Variants in ROBO1 observed in about 807,000 individuals in gnomAD.
ROBO1 encodes roundabout homolog 1.
ROBO1 carries 149 observed loss-of-function variants against 195.9 expected under a neutral mutation model. The observed-to-expected ratio is 0.76, with a 90% CI of 0.67 to 0.87. The LOEUF is 0.87. ROBO1 is among the 40% of genes least tolerant of loss of function. The pLI, the probability that ROBO1 is intolerant of heterozygous loss-of-function variation, is 0.00. For synonymous variants in ROBO1, 816 were observed against 733.2 expected (o/e 1.11, Z -1.82); for missense variants, 1,933 against 2,068.3 (o/e 0.93, Z 1.27).
chr3:79,624,164 A>G (rs953796899), intron 1 of ROBO1, among the ~76,000 whole-genome samples: 2 of 152,180 alleles, frequency 1.3e-5, no homozygotes, highest in Non-Finnish European at 2.9e-5. Context: ...TTTCATTACC[A>G]CCAGGCCTAC....
intron 10 of ROBO1, among the ~76,000 whole-genome samples, chr3:78,671,630 A>G (rs544406786): frequency 2.6e-5 from 4 of 152,088 alleles, no homozygotes; most frequent in East Asian, 1.9e-4. Flanking sequence ...CAGGAAAGCA[A>G]TGGAGTGAAA....
intron 4 of ROBO1, among the ~76,000 whole-genome samples, chr3:78,857,571 G>GCAGCAT (rs1480914820): frequency 2.6e-5 from 4 of 152,148 alleles, no homozygotes; most frequent in East Asian, 1.9e-4. Context: ...TCCCAGACCA[G>GCAGCAT]CAGCATCAGC....
intron 19 of ROBO1, among the ~76,000 whole-genome samples, chr3:78,649,316 T>C (rs1157613904): frequency 6.6e-6 from 1 of 152,084 alleles, no homozygotes; most frequent in Non-Finnish European, 1.5e-5. Context: ...TCAATCTAAA[T>C]GAAATTTTCA....
intron 3 of ROBO1, among the ~76,000 whole-genome samples, chr3:79,121,965 A>G (rs976823416): frequency 6.6e-6 from 1 of 152,070 alleles, no homozygotes; most frequent in African/African-American, 2.4e-5. Flanking sequence ...AGTTTTTGAC[A>G]GAAATCTATA....
intron 3 of ROBO1, among the ~76,000 whole-genome samples, chr3:78,988,419 T>G (rs897714591): frequency 1.3e-5 from 2 of 152,150 alleles, no homozygotes; most frequent in East Asian, 3.9e-4. Context: ...CTTCCCTAAC[T>G]TACACAACAT....
chr3:78,646,157 C>G lies in ROBO1; in HGVS notation c.2873G>C (p.Ser958Thr). The stretch of plus-strand genomic sequence containing the variant: ...CAAGCAAGATAATTACCTCCCTCCA[C>G]TGCTGACAGCTTCGCCTCCTCTCTG... ...TYQRGGEAVS[S>T]GGRPGLLNIS... Residue 958 changes from serine to threonine, a missense_variant, in exon 21 of 31, where the codon AGT becomes ACT. Ser to Thr is a moderately conservative substitution (Grantham distance 58). Around this residue, in one of 3 missense-constraint regions of ROBO1, gnomAD observed 1,737 missense variants for 1,882.5 expected, o/e 0.92. Coordinates refer to ENST00000464233, the MANE Select transcript of ROBO1 (RefSeq NM_002941.4). 1 of 1,607,860 alleles carries G rather than the reference C, an allele frequency of 6.2e-7. No individual in the cohort carries two copies. The highest frequency in any genetic ancestry group is 1.1e-5 in the South Asian group (1 of 90,526).
chr3:79,733,793 A>T (rs952380792), intron 1 of ROBO1, among the ~76,000 whole-genome samples: 1 of 152,010 alleles, frequency 6.6e-6, no homozygotes, highest in Non-Finnish European at 1.5e-5. Context: ...ATCTTCCTGT[A>T]TTTCCCACTA....
chr3:78,711,301 TTC>T (rs1415967491), intron 8 of ROBO1, among the ~76,000 whole-genome samples: 2 of 135,482 alleles, frequency 1.5e-5, no homozygotes, highest in Non-Finnish European at 1.5e-5. Context: ...TTCTTTCTCT[TTC>T]TTTCTTTCTT....
At chr3:78,950,972 G>T (rs943639002) in intron 3 of ROBO1, among the ~76,000 whole-genome samples, 1 of 151,514 alleles carries the variant, frequency 6.6e-6, no homozygotes, top group East Asian at 1.9e-4. Context: ...AATATCATTG[G>T]TTTCTAACTT....
chr3:78,661,332 A>G lies in ROBO1; in HGVS notation c.2089-71T>C, dbSNP rs557002042. The G allele has an allele frequency of 3.7e-3, 3,622 of 982,428 alleles. 12 individuals are homozygous for G. The highest frequency in any genetic ancestry group is 4.2e-3 in the Non-Finnish European group (3,009 of 713,252). The allele number at this position is 982,428 out of a possible 1,614,324, so 60.9% of individuals were successfully genotyped here. ...GGTTCATCAGAAAATAATAAAAATT[A>G]AACGTTATAAAATGCACAAAATTCT... On this transcript the variant is annotated intron_variant, in intron 15 of 30. Coordinates refer to ENST00000464233, the MANE Select transcript of ROBO1 (RefSeq NM_002941.4).
chr3:79,739,117 T>C (rs1337391834), intron 1 of ROBO1, among the ~76,000 whole-genome samples: 17 of 152,182 alleles, frequency 1.1e-4, no homozygotes, highest in Non-Finnish European at 8.8e-5. Flanking sequence ...CAGGATGTAA[T>C]ACTGTCTGGT....
intron 4 of ROBO1, among the ~76,000 whole-genome samples, chr3:78,823,705 C>A (rs1299019031): frequency 6.6e-6 from 1 of 152,206 alleles, no homozygotes; most frequent in Non-Finnish European, 1.5e-5. Context: ...CATTACCTAG[C>A]ATACTCTTAT....
rs577050516 is a variant in ROBO1, at chr3:79,684,940, T to G, written c.-51+82812A>C. Reference sequence around the variant, plus strand: ...ATCCTCCTGCCTCAGCCTCCCAAAGTGCTGGGATTACAGGTACTCCAGGCA... The same window carrying G: ...ATCCTCCTGCCTCAGCCTCCCAAAGGGCTGGGATTACAGGTACTCCAGGCA... On this transcript the variant is annotated intron_variant, in intron 1 of 30. Transcript: ENST00000464233. Among the ~76,000 whole-genome samples the G allele has an allele frequency of 8.5e-4, 129 of 152,186 alleles. 1 individual carries two copies. Among genetic ancestry groups the G allele is most frequent in the African/African-American group, 2.9e-3 (121 of 41,536 alleles).
intron 2 of ROBO1, among the ~76,000 whole-genome samples, chr3:79,494,885 C>T (rs1939648029): frequency 6.6e-6 from 1 of 152,118 alleles, no homozygotes; most frequent in East Asian, 1.9e-4. Flanking sequence ...CCATATGACC[C>T]CTAATAGGGA....
chr3:79,725,900 C>A (rs890476698), intron 1 of ROBO1, among the ~76,000 whole-genome samples: 2 of 133,176 alleles, frequency 1.5e-5, no homozygotes, highest in Admixed American at 8.2e-5. Flanking sequence ...TACATACAGA[C>A]ACTTAAAAAA....
chr3:78,963,758 C>T (rs2041528563), intron 3 of ROBO1, among the ~76,000 whole-genome samples: 1 of 151,966 alleles, frequency 6.6e-6, no homozygotes, highest in African/African-American at 2.4e-5. Flanking sequence ...ACCTCGTGAT[C>T]CACCCGCCTC....
chr3:78,818,655 C>T (rs1175644136), intron 4 of ROBO1, among the ~76,000 whole-genome samples: 1 of 152,240 alleles, frequency 6.6e-6, no homozygotes, highest in Non-Finnish European at 1.5e-5. Flanking sequence ...ATTCTTGCCT[C>T]AAGCCAAAAG....
chr3:78,685,464 T>C (rs1575931588), intron 10 of ROBO1, among the ~76,000 whole-genome samples: 1 of 78,844 alleles, frequency 1.3e-5, no homozygotes, highest in Non-Finnish European at 2.7e-5. Flanking sequence ...ATATTTTTTG[T>C]TTTTCCAAAA....
At position 78,606,874 on chromosome 3, in the gene ROBO1, A is replaced by G. The variant is rs1392478521; in HGVS notation, c.4603T>C (p.Leu1535=). 1 of 1,613,716 alleles carries G rather than the reference A, an allele frequency of 6.2e-7. No individual in the cohort carries two copies. The highest frequency in any genetic ancestry group is 8.5e-7 in the Non-Finnish European group (1 of 1,179,854). ...ATGTCAACAACCTGTCTTCCATCCAACACTTCTCTCCCCTTGTAACTGCTT... is the reference window on the plus strand; with the variant it reads ...ATGTCAACAACCTGTCTTCCATCCAGCACTTCTCTCCCCTTGTAACTGCTT... The part of the protein sequence containing the change: ...KGSSYKGREV[L]DGRQVVDMRT... Residue 1535 remains leucine, a synonymous_variant, in exon 29 of 31, where the codon TTG becomes CTG. Coordinates refer to ENST00000464233, the MANE Select transcript of ROBO1 (RefSeq NM_002941.4).
Sources: gnomAD v4.1 joint callset for allele counts (sites outside exome capture counted in the v4.1 genomes callset) on GRCh38, gnomAD v4.1.1 for gene constraint, gnomAD v4.1.1 regional missense constraint, MANE v1.5 for transcripts, NCBI Gene and HGNC (gene_info 2026-07-23, HGNC 2026-07-21) for gene names.